WASF2: variants seen among roughly 807,000 people sequenced by gnomAD.
The protein encoded by WASF2 is WASP family member 2, also known as actin-binding protein WASF2.
In WASF2, 14 loss-of-function variants were observed where a neutral mutation model predicts 45.0. The ratio of observed to expected loss-of-function variants is 0.31; its 90% CI spans 0.21 to 0.49. The LOEUF (loss-of-function observed/expected upper bound fraction) is 0.49. Among genes scored for constraint, WASF2 ranks in the 20% least tolerant of loss-of-function variants. The pLI, the probability that WASF2 is intolerant of heterozygous loss-of-function variation, is 0.99. For synonymous variants in WASF2, 200 were observed against 236.3 expected (o/e 0.85, Z 1.41); for missense variants, 439 against 636.1 (o/e 0.69, Z 3.33).
intron 1 of WASF2, among the ~76,000 whole-genome samples, chr1:27,441,924 C>CAA (rs1223064988): frequency 2.0e-4 from 13 of 66,394 alleles, no homozygotes; most frequent in Admixed American, 8.6e-4. Context: ...GACTCCATCT[C>CAA]AAAAAAAAAA....
chr1:27,421,721 CAGA>C (rs2016911087), intron 2 of WASF2, among the ~76,000 whole-genome samples: 1 of 152,044 alleles, frequency 6.6e-6, no homozygotes, highest in African/African-American at 2.4e-5. Flanking sequence ...GAGGCTGAGG[CAGA>C]AGAATTGCGT....
chr1:27,405,599 C>CTTTTTTTTTTTTTTTTTT lies in WASF2; in HGVS notation c.*2572_*2589dup, dbSNP rs769753375. The CTTTTTTTTTTTTTTTTTT allele has an allele frequency of 3.5e-5, 2 of 56,646 alleles. No individual in the cohort carries two copies. The highest frequency in any genetic ancestry group is 8.6e-4 in the South Asian group (1 of 1,162). 3.5% of individuals were successfully genotyped at this position (56,646 alleles called of 1,614,324 possible). A position where few individuals can be genotyped will look rare whatever the true frequency, so the allele number is the denominator to read the frequency against. On this transcript the variant is annotated 3_prime_UTR_variant, in exon 9 of 9. Transcript: ENST00000618852. ...TAAAGGGCTCTGGGTCTAAAGAAGC[C>CTTTTTTTTTTTTTTTTTT]TTTTTTTTTTTTTTTTTTTTTTTTT... is the stretch of plus-strand genomic sequence containing the variant.
At chr1:27,418,543 C>A in intron 3 of WASF2, 121 bp from the exon 4 acceptor site, 1 of 1,337,754 alleles carries the variant, frequency 7.5e-7, no homozygotes, top group Non-Finnish European at 1.0e-6. Flanking sequence ...CGCAGCCAGG[C>A]TTTTTTTTTC....
intron 1 of WASF2, among the ~76,000 whole-genome samples, chr1:27,448,686 A>G (rs1337621887): frequency 6.6e-6 from 1 of 151,880 alleles, no homozygotes; most frequent in African/African-American, 2.4e-5. Context: ...TCCCATCTTT[A>G]CTAGAATTAG....
intron 8 of WASF2, 31 bp downstream of exon 8, chr1:27,409,661 C>T: frequency 7.0e-7 from 1 of 1,437,200 alleles, no homozygotes; most frequent in Non-Finnish European, 9.2e-7. Flanking sequence ...AGACAAGGCT[C>T]CACAGTCCCA....
chr1:27,456,339 C>T (rs76664155), intron 1 of WASF2, among the ~76,000 whole-genome samples: 5 of 106,318 alleles, frequency 4.7e-5, no homozygotes, highest in Non-Finnish European at 7.9e-5. Flanking sequence ...AAAAAAAAAA[C>T]AACAATGGAA....
intron 1 of WASF2, among the ~76,000 whole-genome samples, chr1:27,430,551 G>A (rs1211776926): frequency 1.3e-5 from 2 of 151,528 alleles, no homozygotes; most frequent in Non-Finnish European, 2.9e-5. Flanking sequence ...TTGTAGAGAT[G>A]AGGTTTTGCC....
At chr1:27,417,104 G>C (rs2016837670) in intron 4 of WASF2, among the ~76,000 whole-genome samples, 4 of 152,084 alleles carry the variant, frequency 2.6e-5, no homozygotes, top group Admixed American at 2.6e-4. Context: ...TAACTGAGAG[G>C]CCACGCTAAT....
At chr1:27,478,975 A>G (rs191100692) in intron 1 of WASF2, among the ~76,000 whole-genome samples, 3 of 152,220 alleles carry the variant, frequency 2.0e-5, no homozygotes, top group Admixed American at 2.0e-4. Context: ...CTCACTGTAT[A>G]TAAGTTTTAC....
chr1:27,408,143 CAGGT>C lies in WASF2; in HGVS notation c.*42_*45del. ...CTGTTGGGGTTGGCATCAAAGAAGG[CAGGT>C]AGGAAGGAAAGAAAAAGAAGGTGGG... On this transcript the variant is annotated 3_prime_UTR_variant, in exon 9 of 9. Coordinates refer to ENST00000618852, the MANE Select transcript of WASF2 (RefSeq NM_006990.5). 6.3e-7 allele frequency: 1 copy of C among 1,590,690 alleles called. No individual in the cohort carries two copies. Among genetic ancestry groups the C allele is most frequent in the Non-Finnish European group, 8.6e-7 (1 of 1,164,772 alleles).
chr1:27,446,200 AT>A (rs927407475), intron 1 of WASF2, among the ~76,000 whole-genome samples: 1 of 152,162 alleles, frequency 6.6e-6, no homozygotes, highest in African/African-American at 2.4e-5. Context: ...AATATTTTAA[AT>A]TAACCTTTGA....
At position 27,466,942 on chromosome 1, in the gene WASF2, C is replaced by T. The variant is rs186328154; in HGVS notation, c.-44+23044G>A. 3.3e-5 allele frequency among the ~76,000 whole-genome samples: 5 copies of T among 151,900 alleles called. No individual in the cohort carries two copies. The East Asian group carries it at 7.7e-4, about 24-fold the overall frequency. On this transcript the variant is annotated intron_variant, in intron 1 of 8. Coordinates refer to ENST00000618852, the MANE Select transcript of WASF2 (RefSeq NM_006990.5). Reference sequence around the variant, plus strand: ...TAATAAGACTTTTCAGGCTGGGGTGCGGTGGCTCACACTGGTAATCCTAGC... The same window carrying T: ...TAATAAGACTTTTCAGGCTGGGGTGTGGTGGCTCACACTGGTAATCCTAGC...
rs200239381 is a variant in WASF2 at position 27,410,198 on chromosome 1, A to G, written c.833T>C (p.Val278Ala). Reference protein sequence around the residue: ...PPPPAEFSYPVDNQRGSGLAG... With the variant: ...PPPPAEFSYPADNQRGSGLAG... ...CAAACCAGATCCTCTTTGGTTGTCC[A>G]CTGGGTAACTAAAAGGCCAAAGAAA... is the stretch of plus-strand genomic sequence containing the variant. Residue 278 changes from valine to alanine, a missense_variant, in exon 8 of 9, where the codon GTG becomes GCG. Val to Ala is a moderately conservative substitution (Grantham distance 64). Transcript: ENST00000618852. This position sits in a 1 kb window ranked among gnomAD's most constrained non-coding sequence, Gnocchi z 4.2. 6.2e-7 allele frequency: 1 copy of G among 1,614,116 alleles called. No homozygotes were observed. The highest frequency in any genetic ancestry group is 8.5e-7 in the Non-Finnish European group (1 of 1,180,004).
chr1:27,485,018 C>T (rs2148147272), intron 1 of WASF2, among the ~76,000 whole-genome samples: 1 of 151,836 alleles, frequency 6.6e-6, no homozygotes, highest in East Asian at 1.9e-4. Context: ...GGCGTGGTGG[C>T]AGACACCTGT....
chr1:27,441,906 CACA>C (rs1166191142), intron 1 of WASF2, among the ~76,000 whole-genome samples: 5 of 136,940 alleles, frequency 3.7e-5, no homozygotes, highest in East Asian at 4.3e-4. Context: ...AGCCTGGCGA[CACA>C]ACGAGACTCC....
chr1:27,441,093 C>G (rs2017220026), intron 1 of WASF2, among the ~76,000 whole-genome samples: 2 of 152,110 alleles, frequency 1.3e-5, no homozygotes, highest in African/African-American at 4.8e-5. Context: ...GTCTCGAACT[C>G]CTGAGCTCAA....
intron 1 of WASF2, among the ~76,000 whole-genome samples, chr1:27,484,737 G>A (rs1007428606): frequency 2.7e-5 from 4 of 147,838 alleles, no homozygotes; most frequent in African/African-American, 7.6e-5. Flanking sequence ...GCGTGAACTC[G>A]GGAGGCGGAG....
rs2016703377 is a variant in WASF2, at chr1:27,408,034, C to T, written c.*155G>A. Reference sequence around the variant, plus strand: ...GAAATACATGTTGACTTGGAGGAAGCACTTGGATATATCTTTGGTTGCTTC... The same window carrying T: ...GAAATACATGTTGACTTGGAGGAAGTACTTGGATATATCTTTGGTTGCTTC... On this transcript the variant is annotated 3_prime_UTR_variant, in exon 9 of 9. Transcript: ENST00000618852. 1 of 838,056 alleles carries T rather than the reference C, an allele frequency of 1.2e-6. No individual in the cohort carries two copies. The highest frequency in any genetic ancestry group is 1.7e-5 in the African/African-American group (1 of 57,736). 51.9% of individuals were successfully genotyped at this position (838,056 alleles called of 1,614,324 possible).
At chr1:27,454,174 TATATATATATA>T (rs2017430246) in intron 1 of WASF2, among the ~76,000 whole-genome samples, 2 of 17,478 alleles carry the variant, frequency 1.1e-4, no homozygotes, top group South Asian at 3.6e-3. Flanking sequence ...TATATATATA[TATATATATATA>T]TATTTTTTTT....
Sources: allele counts gnomAD v4.1 joint callset (sites outside exome capture counted in the v4.1 genomes callset), GRCh38; gene constraint gnomAD v4.1.1; non-coding constraint Gnocchi (gnomAD v3.1); transcripts MANE v1.5; gene names NCBI Gene and HGNC (gene_info 2026-07-23, HGNC 2026-07-21).